HYDIN: variants seen among roughly 807,000 people sequenced by gnomAD.
HYDIN encodes the protein axonemal central pair apparatus protein HYDIN.
HYDIN carries 132 observed loss-of-function variants against 403.9 expected under a neutral mutation model. The ratio of observed to expected loss-of-function variants is 0.33; its 90% CI spans 0.28 to 0.38. HYDIN has a LOEUF of 0.38. HYDIN is among the 10% of genes least tolerant of loss of function. HYDIN has a pLI of 1.00. For missense variants in HYDIN, 2,827 were observed against 5,009.5 expected (o/e 0.56, Z 13.15); for synonymous variants, 1,202 against 1,891.7 (o/e 0.64, Z 9.46).
chr16:71,152,924 T>C, intron 6 of HYDIN, 141 bp from the exon 7 acceptor site: 1 of 633,442 alleles, frequency 1.6e-6, no homozygotes. Flanking sequence ...AAGTAGACTT[T>C]TGCTACCTAA....
chr16:70,894,328 C>T lies in HYDIN; in HGVS notation c.9248+121G>A, dbSNP rs530002373. 309 of 1,407,926 alleles carry T rather than the reference C, an allele frequency of 2.2e-4. 2 individuals are homozygous for T. In the East Asian group the frequency reaches 5.9e-3, roughly 27 times the overall value. 87.2% of individuals were successfully genotyped at this position (1,407,926 alleles called of 1,614,324 possible). On this transcript the variant is annotated intron_variant, in intron 55 of 85. Coordinates refer to ENST00000393567, the MANE Select transcript of HYDIN (RefSeq NM_001270974.2). Reference sequence around the variant, plus strand: ...AGTTTCCCAGACACGCTATTCCCCACGGTGGACTTGACGGCCGCAAACCCT... The same window carrying T: ...AGTTTCCCAGACACGCTATTCCCCATGGTGGACTTGACGGCCGCAAACCCT...
At chr16:71,011,723 T>TA (rs66724472) in intron 23 of HYDIN, among the ~76,000 whole-genome samples, 7,970 of 149,686 alleles carry the variant, frequency 0.053, 673 homozygotes, top group African/African-American at 0.18. Flanking sequence ...AGACTTTGTT[T>TA]AAAAAAAAAA....
At chr16:71,054,906 T>C (rs1389785360) in intron 18 of HYDIN, among the ~76,000 whole-genome samples, 5 of 152,284 alleles carry the variant, frequency 3.3e-5, no homozygotes, top group East Asian at 1.9e-4. Context: ...ATTTCAGATA[T>C]ACAATTGAAG....
chr16:70,835,547 G>C, intron 78 of HYDIN, 129 bp downstream of exon 78: 1 of 720,074 alleles, frequency 1.4e-6, no homozygotes, highest in Non-Finnish European at 2.3e-6. Context: ...GGGAGTACAG[G>C]GAAGGCTCTT....
chr16:70,874,769 C>A (rs2040347378), intron 63 of HYDIN, 48 bp downstream of exon 63: 3 of 1,574,532 alleles, frequency 1.9e-6, no homozygotes, highest in African/African-American at 2.7e-5. Context: ...CCTAATGAAG[C>A]AGCTACTGAG....
intron 11 of HYDIN, among the ~76,000 whole-genome samples, chr16:71,092,643 C>T (rs1190815823): frequency 7.3e-5 from 11 of 149,836 alleles, no homozygotes; most frequent in Admixed American, 2.0e-4. Context: ...TGCAGTGGCG[C>T]GATCTTGGCT....
intron 10 of HYDIN, among the ~76,000 whole-genome samples, chr16:71,107,089 G>C (rs1260084865): frequency 4.7e-5 from 7 of 147,736 alleles, no homozygotes; most frequent in Admixed American, 4.1e-4. Flanking sequence ...CTCACTCATA[G>C]GTGGGAATTG....
At chr16:70,839,956 C>A in intron 76 of HYDIN, 108 bp downstream of exon 76, 6 of 806,616 alleles carry the variant, frequency 7.4e-6, no homozygotes, top group Non-Finnish European at 1.2e-5. Flanking sequence ...GACTCTTTCC[C>A]ATAATCATTT....
intron 1 of HYDIN, among the ~76,000 whole-genome samples, chr16:71,196,027 A>G (rs1361596104): frequency 1.3e-5 from 2 of 152,264 alleles, no homozygotes; most frequent in Non-Finnish European, 2.9e-5. Context: ...TATGGTTGCA[A>G]AAAGTGCTTA....
chr16:71,151,102 T>C (rs1412414911), intron 7 of HYDIN, among the ~76,000 whole-genome samples: 1 of 152,166 alleles, frequency 6.6e-6, no homozygotes, highest in Admixed American at 6.5e-5. Flanking sequence ...GAATGTAAAA[T>C]GACACAACTA....
At chr16:70,964,429 G>A (rs2078510388) in intron 37 of HYDIN, among the ~76,000 whole-genome samples, 1 of 151,662 alleles carries the variant, frequency 6.6e-6, no homozygotes, top group Admixed American at 6.6e-5. Flanking sequence ...TTTCTCATCT[G>A]TACGTCCAAA....
chr16:70,947,563 T>G (rs2077913899), intron 41 of HYDIN, among the ~76,000 whole-genome samples: 3 of 151,170 alleles, frequency 2.0e-5, no homozygotes, highest in Admixed American at 2.0e-4. Context: ...ATAAAATGAG[T>G]TAGGGAGGAT....
At chr16:71,220,298 T>C (rs1721759593) in intron 1 of HYDIN, among the ~76,000 whole-genome samples, 1 of 152,224 alleles carries the variant, frequency 6.6e-6, no homozygotes, top group African/African-American at 2.4e-5. Flanking sequence ...ACTATATAAC[T>C]ACTAAGGGGT....
chr16:70,820,837 C>T (rs1230327433), intron 83 of HYDIN, among the ~76,000 whole-genome samples: 51 of 152,020 alleles, frequency 3.4e-4, no homozygotes, highest in Non-Finnish European at 3.8e-4. Flanking sequence ...TTAGTAGAGA[C>T]GGGGTTTCAC....
chr16:71,156,727 A>G (rs1461521749), intron 6 of HYDIN, among the ~76,000 whole-genome samples: 1 of 151,596 alleles, frequency 6.6e-6, no homozygotes, highest in Non-Finnish European at 1.5e-5. Flanking sequence ...TGAATATAAT[A>G]TTAGTATTTA....
chr16:70,902,821 A>ATATATATATTTTTTTTTTTTTTTT, intron 52 of HYDIN, among the ~76,000 whole-genome samples: 11 of 47,272 alleles, frequency 2.3e-4, no homozygotes, highest in Non-Finnish European at 2.5e-4. Context: ...ATATATATAT[A>ATATATATATTTTTTTTTTTTTTTT]TTTTTTTTTT....
intron 75 of HYDIN, among the ~76,000 whole-genome samples, chr16:70,848,383 T>A (rs1399081529): frequency 6.6e-6 from 1 of 152,124 alleles, no homozygotes; most frequent in Non-Finnish European, 1.5e-5. Context: ...AGTTATATGT[T>A]CTTGTATCTT....
chr16:70,981,605 G>A, intron 28 of HYDIN, 37 bp from the exon 29 acceptor site: 1 of 1,599,898 alleles, frequency 6.3e-7, no homozygotes, highest in Admixed American at 1.7e-5. Context: ...GAAAACGAAT[G>A]TGCTACAGTA....
At chr16:71,080,974 C>CA (rs1021047651) in intron 12 of HYDIN, 3 of 151,888 alleles carry the variant, frequency 2.0e-5, no homozygotes, top group Non-Finnish European at 4.4e-5. Context: ...CTCAGAAAGC[C>CA]AAAAAAGGTT....
Sources: gnomAD v4.1 joint callset for allele counts (sites outside exome capture counted in the v4.1 genomes callset) on GRCh38, gnomAD v4.1.1 for gene constraint, MANE v1.5 for transcripts, NCBI Gene and HGNC (gene_info 2026-07-23, HGNC 2026-07-21) for gene names.